Variants in CDH4 observed in about 807,000 individuals in gnomAD.
The protein encoded by CDH4 is cadherin 4, also known as cadherin-4.
In CDH4, 33 loss-of-function variants were observed where a neutral mutation model predicts 86.0. The ratio of observed to expected loss-of-function variants is 0.38; its 90% confidence interval spans 0.29 to 0.51. The LOEUF (loss-of-function observed/expected upper bound fraction) is 0.51, where lower values mean the gene tolerates loss of function less well. CDH4 is among the 20% of genes least tolerant of loss of function. The probability of loss-of-function intolerance (pLI) is 0.86; values close to 1 mark genes in which losing one functional copy is unlikely to be tolerated. For synonymous variants in CDH4, 555 were observed against 549.4 expected, an observed-to-expected ratio of 1.01 and a Z score of -0.14; for missense variants, 1,114 against 1,307.4, an observed-to-expected ratio of 0.85 and a Z score of 2.28.
At chr20:61,671,472 G>T (rs974385743) in intron 2 of CDH4, among the ~76,000 whole-genome samples, 8 of 152,136 alleles carry the variant, frequency 5.3e-5, no homozygotes, top group African/African-American at 1.9e-4. Context: ...CTCCAGCGTG[G>T]GCAACAGAGT....
intron 2 of CDH4, among the ~76,000 whole-genome samples, chr20:61,621,057 T>C (rs2145774720): frequency 6.6e-6 from 1 of 152,376 alleles, no homozygotes; most frequent in Admixed American, 6.5e-5. Flanking sequence ...GTTTCTGTTT[T>C]CCAACCACAC....
At chr20:61,889,293 CATGGATGGATGGATGGATGGATGGATGG>C (rs59254816) in intron 7 of CDH4, among the ~76,000 whole-genome samples, 3 of 141,738 alleles carry the variant, frequency 2.1e-5, no homozygotes, top group Non-Finnish European at 4.6e-5. Flanking sequence ...CTCTTTAAAG[CATGGATGGATGGATGGATGGATGGATGG>C]ATGGATGGAT....
At chr20:61,831,227 C>T (rs1981593503) in intron 4 of CDH4, among the ~76,000 whole-genome samples, 1 of 152,240 alleles carries the variant, frequency 6.6e-6, no homozygotes, top group African/African-American at 2.4e-5. Context: ...ACATGCCCTG[C>T]ACTTGAGGAT....
intron 2 of CDH4, among the ~76,000 whole-genome samples, chr20:61,475,024 T>A (rs564973202): frequency 6.6e-6 from 1 of 152,362 alleles, no homozygotes; most frequent in African/African-American, 2.4e-5. Flanking sequence ...ACAAGAGCAG[T>A]ATCTATTCAG....
At chr20:61,425,727 C>T (rs943722616) in intron 2 of CDH4, among the ~76,000 whole-genome samples, 12 of 150,106 alleles carry the variant, frequency 8.0e-5, no homozygotes, top group Admixed American at 1.3e-4. Flanking sequence ...TCAAAGGCCC[C>T]GCCCAGGGCA....
intron 2 of CDH4, among the ~76,000 whole-genome samples, chr20:61,639,725 G>T (rs867776585): frequency 2.2e-4 from 33 of 152,018 alleles, no homozygotes; most frequent in Non-Finnish European, 7.3e-5. Context: ...TATTCTTAAC[G>T]CAGCGCAGAA....
rs148305132 is a variant in CDH4 at position 61,380,926 on chromosome 20, A to C, written c.169+125989A>C. Among the ~76,000 whole-genome samples, 7 of 152,356 alleles carry C rather than the reference A, an allele frequency of 4.6e-5. No homozygotes were observed. The East Asian group carries it at 1.3e-3, about 29-fold the overall frequency. On this transcript the variant is annotated intron_variant, in intron 2 of 15. Coordinates refer to ENST00000614565, the MANE Select transcript of CDH4 (RefSeq NM_001794.5). ...CCCTTAGCAGGGGAAGATGTGGGAA[A>C]ATTTAGATGACATAAAAATACTGGA...
intron 2 of CDH4, among the ~76,000 whole-genome samples, chr20:61,433,311 G>A (rs914716842): frequency 2.0e-5 from 3 of 152,128 alleles, no homozygotes; most frequent in African/African-American, 7.2e-5. Flanking sequence ...TCAGCCGTCT[G>A]TGTGTGGCCC....
In CDH4 at chr20:61,879,510, A is replaced by G. The variant is rs1471224596; in HGVS notation, c.1050+5610A>G. Among the ~76,000 whole-genome samples, 5 of 152,162 alleles carry G rather than the reference A, an allele frequency of 3.3e-5. No individual in the cohort carries two copies. Among genetic ancestry groups the G allele is most frequent in the Admixed American group, 6.5e-5 (1 of 15,280 alleles). On this transcript the variant is annotated intron_variant, in intron 7 of 15. Transcript: ENST00000614565. The surrounding 1 kb of genome is among the most constrained non-coding windows in gnomAD (Gnocchi z 4.1). ...TTTAGGAAGAAGAAAATCCACAAACATCATTGCCGCCGTGTCTAATTAGGC... is the reference window on the plus strand; with the variant it reads ...TTTAGGAAGAAGAAAATCCACAAACGTCATTGCCGCCGTGTCTAATTAGGC...
chr20:61,694,242 A>G (rs1321510988), intron 2 of CDH4, among the ~76,000 whole-genome samples: 3 of 152,146 alleles, frequency 2.0e-5, no homozygotes, highest in Non-Finnish European at 1.5e-5. Context: ...AGGCGCAGGT[A>G]GAGTGGGAAG....
intron 2 of CDH4, among the ~76,000 whole-genome samples, chr20:61,351,292 T>C (rs2084710902): frequency 6.6e-6 from 1 of 152,218 alleles, no homozygotes; most frequent in East Asian, 1.9e-4. Flanking sequence ...ACTGTGTACA[T>C]AGCATTTACA....
At chr20:61,444,900 T>A (rs1288569248) in intron 2 of CDH4, among the ~76,000 whole-genome samples, 2 of 151,522 alleles carry the variant, frequency 1.3e-5, no homozygotes, top group African/African-American at 4.9e-5. Context: ...TGTATATTTG[T>A]GTGTCTGCGT....
intron 2 of CDH4, among the ~76,000 whole-genome samples, chr20:61,720,515 G>A (rs1175785190): frequency 6.7e-6 from 1 of 148,244 alleles, no homozygotes; most frequent in Non-Finnish European, 1.5e-5. Flanking sequence ...AGAGTGGAGG[G>A]GTACAGAGTG....
chr20:61,544,320 C>T lies in CDH4; in HGVS notation c.170-199243C>T, dbSNP rs1056786170. On this transcript the variant is annotated intron_variant, in intron 2 of 15. Coordinates refer to ENST00000614565, the MANE Select transcript of CDH4 (RefSeq NM_001794.5). The surrounding 1 kb of genome is among the most constrained non-coding windows in gnomAD (Gnocchi z 6.5). ...TAAACACCCCACAGCCCAGGACAGC[C>T]TCGCAGCAGAAGCATCCAGCTCCAT... Among the ~76,000 whole-genome samples the T allele has an allele frequency of 2.6e-5, 4 of 151,994 alleles. No individual in the cohort carries two copies. Among genetic ancestry groups the T allele is most frequent in the Non-Finnish European group, 5.9e-5 (4 of 68,000 alleles).
intron 11 of CDH4, among the ~76,000 whole-genome samples, chr20:61,927,852 G>A (rs538237729): frequency 2.6e-5 from 4 of 152,146 alleles, no homozygotes; most frequent in African/African-American, 4.8e-5. Flanking sequence ...GTGCTCTGCC[G>A]TGTCTGTTGA....
intron 2 of CDH4, among the ~76,000 whole-genome samples, chr20:61,665,176 T>C (rs933008982): frequency 6.6e-5 from 10 of 152,152 alleles, no homozygotes; most frequent in Non-Finnish European, 1.3e-4. Flanking sequence ...TCTGTTGAGC[T>C]GATAGTGGCG....
chr20:61,454,017 C>CATG (rs2085394119), intron 2 of CDH4, among the ~76,000 whole-genome samples: 1 of 152,210 alleles, frequency 6.6e-6, no homozygotes, highest in Non-Finnish European at 1.5e-5. Flanking sequence ...CCTCCCCAGC[C>CATG]CTGTGGAACT....
Position 61,442,508 on chromosome 20 carries a change from G to A in CDH4, c.169+187571G>A, listed in dbSNP as rs148464668. Among the ~76,000 whole-genome samples the A allele has an allele frequency of 2.5e-3, 378 of 152,340 alleles. 2 individuals carry two copies. The highest frequency in any genetic ancestry group is 8.7e-3 in the African/African-American group (360 of 41,582). On this transcript the variant is annotated intron_variant, in intron 2 of 15. Coordinates refer to ENST00000614565, the MANE Select transcript of CDH4 (RefSeq NM_001794.5). The stretch of plus-strand genomic sequence containing the variant: ...GAACTAACCACCCTTTTAAGTAGAA[G>A]TGACATTTCTAACAGGCCCACTCAG...
At chr20:61,835,143 T>G (rs903936357) in intron 4 of CDH4, among the ~76,000 whole-genome samples, 16 of 152,256 alleles carry the variant, frequency 1.1e-4, no homozygotes. Context: ...CTTGAACTCC[T>G]GGCCTCAAGT....
Sources: gnomAD v4.1 joint callset for allele counts (sites outside exome capture counted in the v4.1 genomes callset) on GRCh38, gnomAD v4.1.1 for gene constraint, Gnocchi (gnomAD v3.1) non-coding constraint, MANE v1.5 for transcripts, NCBI Gene and HGNC (gene_info 2026-07-23, HGNC 2026-07-21) for gene names.